The following ZBBX variants were observed in gnomAD, a reference collection of about 807,000 sequenced individuals.
ZBBX encodes the protein zinc finger B-box domain-containing protein 1.
Under a neutral mutation model 108.5 loss-of-function variants are expected in ZBBX, and 101 were observed. The ratio of observed to expected loss-of-function variants is 0.93; its 90% CI spans 0.79 to 1.10. The LOEUF is 1.10. Ranked by LOEUF, ZBBX falls within the 50% of genes least tolerant of loss-of-function variation. The probability of loss-of-function intolerance (pLI) is 0.00; values close to 1 mark genes in which losing one functional copy is unlikely to be tolerated. For synonymous variants in ZBBX, 356 were observed against 323.4 expected (o/e 1.10, Z -1.08); for missense variants, 1,009 against 941.4 (o/e 1.07, Z -0.94).
At position 167,365,923 on chromosome 3, in the gene ZBBX, G is replaced by T; in HGVS notation, c.236C>A (p.Ser79Ter). Reference sequence around the variant, plus strand: ...TCCTTTATTTTGTGACATCATATATGATTGATTGACCAATTTGCCCACTTT... The same window carrying T: ...TCCTTTATTTTGTGACATCATATATTATTGATTGACCAATTTGCCCACTTT... ...SGKVGKLVNQSYMMSQNKGNV... is the reference protein window; with the variant it reads ...SGKVGKLVNQ The change falls in exon 6 of 22, where the codon TCA becomes TAA. Residue 79 changes from serine to a stop codon, truncating the protein, a stop_gained. Coordinates refer to ENST00000675490, the MANE Select transcript of ZBBX (RefSeq NM_001199201.2). LOFTEE classifies it high-confidence loss of function. 1 of 1,609,160 alleles carries T rather than the reference G, an allele frequency of 6.2e-7. No individual in the cohort carries two copies. Among genetic ancestry groups the T allele is most frequent in the South Asian group, 1.1e-5 (1 of 90,678 alleles).
chr3:167,294,801 C>T (rs1369973739), intron 18 of ZBBX, among the ~76,000 whole-genome samples: 3 of 151,672 alleles, frequency 2.0e-5, no homozygotes, highest in Non-Finnish European at 2.9e-5. Flanking sequence ...ATCCATTGGA[C>T]AAAGGGCTAA....
chr3:167,268,735 AGACC>A (rs1726013812), intron 20 of ZBBX, among the ~76,000 whole-genome samples: 2 of 152,216 alleles, frequency 1.3e-5, no homozygotes, highest in African/African-American at 2.4e-5. Flanking sequence ...AAAATTGGGA[AGACC>A]GACCTCTGAG....
At chr3:167,204,740 C>T in the ZBBX span, among the ~76,000 whole-genome samples, 3 of 151,850 alleles carry the variant, frequency 2.0e-5, no homozygotes, top group South Asian at 4.1e-4. Flanking sequence ...GATTTATACT[C>T]ATTTGGGTAT....
intron 20 of ZBBX, among the ~76,000 whole-genome samples, chr3:167,272,367 T>C (rs1187247820): frequency 6.6e-6 from 1 of 152,202 alleles, no homozygotes; most frequent in African/African-American, 2.4e-5. Flanking sequence ...TCCTGGTCCA[T>C]TAGCATCAGC....
At chr3:167,261,745 A>G (rs1724564492) in intron 20 of ZBBX, among the ~76,000 whole-genome samples, 1 of 147,620 alleles carries the variant, frequency 6.8e-6, no homozygotes, top group African/African-American at 2.5e-5. Context: ...GGGTTTGAAA[A>G]CTTGTCCCAG....
chr3:167,253,018 A>C (rs549370872), intron 20 of ZBBX, among the ~76,000 whole-genome samples: 5 of 152,350 alleles, frequency 3.3e-5, no homozygotes, highest in Admixed American at 2.0e-4. Context: ...AGGAAGATTT[A>C]TGTTTGATTT....
chr3:167,374,204 A>G lies in ZBBX; in HGVS notation c.-131-417T>C, dbSNP rs75734607. ...TGTAATAATTACCCAAAGGCATTCT[A>G]ATATCCTCATTTATCAAAGAAAATT... On this transcript the variant is annotated intron_variant, in intron 2 of 21. Transcript: ENST00000675490. Among the ~76,000 whole-genome samples, 83 of 152,276 alleles carry G rather than the reference A, an allele frequency of 5.5e-4. No individual in the cohort carries two copies. In the East Asian group the frequency reaches 0.014, roughly 26 times the overall value.
intron 18 of ZBBX, among the ~76,000 whole-genome samples, chr3:167,292,147 G>A (rs1730806517): frequency 2.6e-5 from 4 of 152,096 alleles, no homozygotes; most frequent in Admixed American, 2.6e-4. Flanking sequence ...ACAGATCAAT[G>A]AGACAGAAAA....
chr3:167,395,214 G>A (rs1577146117), intron 1 of ZBBX, among the ~76,000 whole-genome samples: 2 of 152,078 alleles, frequency 1.3e-5, no homozygotes, highest in East Asian at 3.9e-4. Flanking sequence ...AAACTAGATG[G>A]GTGTTTCCTT....
At chr3:167,363,589 C>A (rs1744871340) in intron 6 of ZBBX, among the ~76,000 whole-genome samples, 1 of 150,834 alleles carries the variant, frequency 6.6e-6, no homozygotes, top group East Asian at 1.9e-4. Flanking sequence ...ACACACCCAG[C>A]AACTGGCACC....
intron 18 of ZBBX, among the ~76,000 whole-genome samples, chr3:167,298,068 C>T (rs1254009785): frequency 1.3e-5 from 2 of 151,956 alleles, no homozygotes; most frequent in Non-Finnish European, 2.9e-5. Context: ...TTTACAGCAA[C>T]ACTAAAAGGT....
intron 4 of ZBBX, among the ~76,000 whole-genome samples, chr3:167,370,034 T>C (rs1034903226): frequency 2.6e-5 from 4 of 152,184 alleles, no homozygotes; most frequent in African/African-American, 7.2e-5. Context: ...GGGATTTATA[T>C]TGTATGAACA....
intron 18 of ZBBX, among the ~76,000 whole-genome samples, chr3:167,291,223 C>G (rs1445074626): frequency 1.3e-5 from 2 of 151,924 alleles, no homozygotes; most frequent in Non-Finnish European, 2.9e-5. Flanking sequence ...AAAGATATTC[C>G]TTTAGAAGAG....
At chr3:167,333,718 A>C in intron 10 of ZBBX, 109 bp downstream of exon 10, 1 of 984,948 alleles carries the variant, frequency 1.0e-6, no homozygotes, top group South Asian at 2.5e-5. Context: ...ATGAAATAAA[A>C]ATGTGATGAA....
intron 16 of ZBBX, among the ~76,000 whole-genome samples, chr3:167,312,714 C>A (rs1158501668): frequency 6.6e-6 from 1 of 152,152 alleles, no homozygotes; most frequent in Non-Finnish European, 1.5e-5. Flanking sequence ...TCAAACTATA[C>A]TCATCTTCAG....
chr3:167,317,777 A>C (rs1178443651), intron 12 of ZBBX, among the ~76,000 whole-genome samples, 180 bp from the exon 13 acceptor site: 1 of 152,038 alleles, frequency 6.6e-6, no homozygotes, highest in Non-Finnish European at 1.5e-5. Context: ...TACTAAAAAA[A>C]AACTGTGTAA....
the ZBBX span, among the ~76,000 whole-genome samples, chr3:167,231,731 G>A: frequency 6.6e-6 from 1 of 151,704 alleles, no homozygotes; most frequent in South Asian, 2.1e-4. Context: ...GCAAGAGATT[G>A]GAATTCTGCC....
intron 11 of ZBBX, among the ~76,000 whole-genome samples, chr3:167,323,237 G>GT (rs1736754080): frequency 9.2e-6 from 1 of 108,468 alleles, no homozygotes; most frequent in African/African-American, 4.0e-5. Flanking sequence ...AGAGCTAAAA[G>GT]AGGGGGGGGG....
At chr3:167,285,536 T>C (rs1729551629) in intron 19 of ZBBX, among the ~76,000 whole-genome samples, 6 of 152,110 alleles carry the variant, frequency 3.9e-5, no homozygotes, top group Admixed American at 3.9e-4. Flanking sequence ...CATGGTTAAG[T>C]GGAAAGAATA....
Sources: allele counts gnomAD v4.1 joint callset (sites outside exome capture counted in the v4.1 genomes callset), GRCh38; gene constraint gnomAD v4.1.1; transcripts MANE v1.5; gene names NCBI Gene and HGNC (gene_info 2026-07-23, HGNC 2026-07-21).